ZBTB20: variants seen among roughly 807,000 people sequenced by gnomAD.
ZBTB20 encodes the protein zinc finger and BTB domain-containing protein 20.
A neutral mutation model predicts 56.9 loss-of-function variants in ZBTB20; 9 were observed. That is an observed-to-expected ratio of 0.16 (90% CI 0.10 to 0.28). The LOEUF is 0.28. Ranked by LOEUF, ZBTB20 falls within the 10% of genes least tolerant of loss-of-function variation. The probability of loss-of-function intolerance (pLI) is 1.00; values close to 1 mark genes in which losing one functional copy is unlikely to be tolerated. For missense variants in ZBTB20, 655 were observed against 1,003.0 expected (o/e 0.65, Z 4.69); for synonymous variants, 417 against 420.7 (o/e 0.99, Z 0.11).
At chr3:115,020,036 T>C (rs1488614672) in intron 2 of ZBTB20, among the ~76,000 whole-genome samples, 1 of 151,226 alleles carries the variant, frequency 6.6e-6, no homozygotes, top group African/African-American at 2.4e-5. Context: ...GACAGCATGA[T>C]TGGAAATGAA....
intron 5 of ZBTB20, among the ~76,000 whole-genome samples, chr3:114,725,429 T>G (rs1348641821): frequency 6.6e-6 from 1 of 152,166 alleles, no homozygotes; most frequent in Non-Finnish European, 1.5e-5. Context: ...AATTGGTAAA[T>G]TCCTTGAATA....
At chr3:114,472,373 C>T (rs896231980) in intron 7 of ZBTB20, among the ~76,000 whole-genome samples, 1 of 152,036 alleles carries the variant, frequency 6.6e-6, no homozygotes, top group Non-Finnish European at 1.5e-5. Context: ...TGGGTCCTCC[C>T]TGGGAAAAAG....
intron 10 of ZBTB20, among the ~76,000 whole-genome samples, chr3:114,355,250 T>TA (rs1307131707): frequency 6.6e-6 from 1 of 152,176 alleles, no homozygotes; most frequent in Admixed American, 6.5e-5. Flanking sequence ...ACAATCAAGT[T>TA]ATCTACTGAA....
At chr3:114,819,598 T>G (rs1409314967) in intron 4 of ZBTB20, among the ~76,000 whole-genome samples, 1 of 151,812 alleles carries the variant, frequency 6.6e-6, no homozygotes, top group Non-Finnish European at 1.5e-5. Context: ...TGATTAACCA[T>G]TAAGAACAAA....
intron 4 of ZBTB20, among the ~76,000 whole-genome samples, chr3:114,846,834 C>A (rs547969672): frequency 6.6e-6 from 1 of 152,086 alleles, no homozygotes. Context: ...TTGCATTTCT[C>A]ATAAAAGGAA....
chr3:114,891,723 A>G (rs1011578975), intron 4 of ZBTB20, among the ~76,000 whole-genome samples: 2 of 152,238 alleles, frequency 1.3e-5, no homozygotes, highest in African/African-American at 4.8e-5. Context: ...CAAAGAGAAG[A>G]TAACTACTTC....
rs1378621964 is a variant in ZBTB20, at chr3:114,601,324, T to C, written c.-295+92204A>G. ...CACATGGCAGCAGCCTGGGAGTCCT[T>C]AAGACAAAACTCTCTAGTTCTAGAA... On this transcript the variant is annotated intron_variant, in intron 6 of 11. Transcript: ENST00000675478. Among the ~76,000 whole-genome samples the C allele has an allele frequency of 3.3e-5, 5 of 152,036 alleles. No individual in the cohort carries two copies. The East Asian group carries it at 9.6e-4, about 29-fold the overall frequency.
intron 7 of ZBTB20, among the ~76,000 whole-genome samples, chr3:114,460,942 A>G (rs1163544848): frequency 6.6e-6 from 1 of 152,226 alleles, no homozygotes; most frequent in Non-Finnish European, 1.5e-5. Context: ...TTCTCCTGAC[A>G]CTAAGAGCTT....
At chr3:114,507,113 A>G (rs2044718087) in intron 6 of ZBTB20, among the ~76,000 whole-genome samples, 1 of 152,186 alleles carries the variant, frequency 6.6e-6, no homozygotes, top group African/African-American at 2.4e-5. Context: ...AGTGGGGGCA[A>G]GATGAGCTTG....
At chr3:115,036,064 G>A (rs1373037333) in intron 2 of ZBTB20, among the ~76,000 whole-genome samples, 3 of 152,074 alleles carry the variant, frequency 2.0e-5, no homozygotes, top group Non-Finnish European at 4.4e-5. Flanking sequence ...TTGCCAGGTT[G>A]CTGGTGGGAA....
intron 4 of ZBTB20, chr3:114,876,478 T>C (rs2076202899): frequency 6.6e-6 from 1 of 152,176 alleles, no homozygotes; most frequent in Non-Finnish European, 1.5e-5. Context: ...TAAAAATTTA[T>C]ATTTATAATG....
chr3:114,780,580 C>T (rs902213406), intron 5 of ZBTB20, among the ~76,000 whole-genome samples: 12 of 152,224 alleles, frequency 7.9e-5, no homozygotes, highest in Non-Finnish European at 1.5e-4. Context: ...CTCCACCTCC[C>T]GGGTTCAAGC....
chr3:114,575,591 T>C (rs114259398), intron 6 of ZBTB20, among the ~76,000 whole-genome samples: 1 of 138,298 alleles, frequency 7.2e-6, no homozygotes, highest in Admixed American at 7.3e-5. Context: ...CTTTAAAAAA[T>C]AAAAAAAAAA....
intron 1 of ZBTB20, among the ~76,000 whole-genome samples, chr3:115,134,168 T>TA (rs2084590118): frequency 6.6e-6 from 1 of 152,252 alleles, no homozygotes; most frequent in African/African-American, 2.4e-5. Context: ...CTCTGACAAC[T>TA]ATTTTAGCTA....
At chr3:114,647,127 T>C (rs572530840) in intron 6 of ZBTB20, among the ~76,000 whole-genome samples, 45 of 151,960 alleles carry the variant, frequency 3.0e-4, no homozygotes, top group African/African-American at 1.0e-3. Context: ...CCCAGCTAAT[T>C]TTTTGTATTT....
chr3:115,024,860 G>A (rs541511129), intron 2 of ZBTB20, among the ~76,000 whole-genome samples: 1 of 151,166 alleles, frequency 6.6e-6, no homozygotes, highest in South Asian at 2.1e-4. Context: ...ATTGTTGTTA[G>A]TAGTAGTAGT....
chr3:115,007,580 T>C (rs1333082150), intron 2 of ZBTB20, among the ~76,000 whole-genome samples: 2 of 151,814 alleles, frequency 1.3e-5, no homozygotes, highest in Non-Finnish European at 2.9e-5. Flanking sequence ...ACATGCATGA[T>C]TATCTCCCAT....
At chr3:114,827,077 T>C (rs1373006565) in intron 4 of ZBTB20, among the ~76,000 whole-genome samples, 1 of 151,754 alleles carries the variant, frequency 6.6e-6, no homozygotes, top group Non-Finnish European at 1.5e-5. Context: ...GCAAATTATC[T>C]ATAAAGTCAA....
chr3:114,521,685 C>A (rs560728143), intron 6 of ZBTB20, among the ~76,000 whole-genome samples: 17 of 152,226 alleles, frequency 1.1e-4, no homozygotes, highest in African/African-American at 4.1e-4. Flanking sequence ...CCCATATTCC[C>A]TGATAAACAT....
Sources: allele counts gnomAD v4.1 joint callset (sites outside exome capture counted in the v4.1 genomes callset), GRCh38; gene constraint gnomAD v4.1.1; transcripts MANE v1.5; gene names NCBI Gene and HGNC (gene_info 2026-07-23, HGNC 2026-07-21).